RPS6KC1: variants seen among roughly 807,000 people sequenced by gnomAD.
The protein encoded by RPS6KC1 is inactive ribosomal protein S6 kinase delta-1.
RPS6KC1 carries 54 observed loss-of-function variants against 103.8 expected under a neutral mutation model. That is an observed-to-expected ratio of 0.52 (90% CI 0.42 to 0.65). The LOEUF (loss-of-function observed/expected upper bound fraction) is 0.65. Ranked by LOEUF, RPS6KC1 falls within the 30% of genes least tolerant of loss-of-function variation. RPS6KC1 has a pLI of 0.00. For missense variants in RPS6KC1, 1,151 were observed against 1,253.8 expected (o/e 0.92, Z 1.24); for synonymous variants, 439 against 438.7 (o/e 1.00, Z -0.01).
intron 10 of RPS6KC1, 87 bp from the exon 11 acceptor site, chr1:213,240,615 A>AG: frequency 1.9e-6 from 2 of 1,067,696 alleles, no homozygotes; most frequent in Non-Finnish European, 2.7e-6. Flanking sequence ...TTGATTTTTA[A>AG]GATAGTTTTT....
chr1:213,233,380 A>T (rs1157208217), intron 10 of RPS6KC1, among the ~76,000 whole-genome samples: 1 of 152,222 alleles, frequency 6.6e-6, no homozygotes, highest in Non-Finnish European at 1.5e-5. Flanking sequence ...ACATTATTGA[A>T]TTAGAGGTCA....
At chr1:213,778,193 TGC>T in the RPS6KC1 span, among the ~76,000 whole-genome samples, 1 of 152,334 alleles carries the variant, frequency 6.6e-6, no homozygotes, top group East Asian at 1.9e-4. Context: ...TCAAGAGGAT[TGC>T]CTCAATAAAT....
the RPS6KC1 span, among the ~76,000 whole-genome samples, chr1:213,488,800 G>A: frequency 6.6e-6 from 1 of 152,226 alleles, no homozygotes; most frequent in African/African-American, 2.4e-5. Context: ...AAATGGTTGA[G>A]TTTGGCTGTG....
intron 1 of RPS6KC1, among the ~76,000 whole-genome samples, chr1:213,065,083 T>C (rs2078204972): frequency 6.6e-6 from 1 of 151,088 alleles, no homozygotes; most frequent in Non-Finnish European, 1.5e-5. Context: ...TTCAAGTGAT[T>C]CTCCTGCCTC....
chr1:213,813,281 A>G, the RPS6KC1 span, among the ~76,000 whole-genome samples: 1 of 151,952 alleles, frequency 6.6e-6, no homozygotes, highest in Non-Finnish European at 1.5e-5. Context: ...GTGCAATGGC[A>G]TGATCTCAGC....
chr1:213,426,131 G>A, the RPS6KC1 span, among the ~76,000 whole-genome samples: 2 of 152,200 alleles, frequency 1.3e-5, no homozygotes, highest in Admixed American at 1.3e-4. Context: ...GAGGACATCA[G>A]TGGTGGCCTC....
chr1:213,535,348 T>C, the RPS6KC1 span, among the ~76,000 whole-genome samples: 5 of 152,208 alleles, frequency 3.3e-5, no homozygotes, highest in Non-Finnish European at 5.9e-5. Flanking sequence ...TTGAGTTTCC[T>C]AGTGGCCAGA....
At chr1:213,821,192 T>A in the RPS6KC1 span, 1 of 152,542 alleles carries the variant, frequency 6.6e-6, no homozygotes, top group Non-Finnish European at 1.5e-5. Flanking sequence ...CTCTGTCACC[T>A]GCTCCCTGTG....
the RPS6KC1 span, among the ~76,000 whole-genome samples, chr1:213,671,916 A>G: frequency 6.6e-6 from 1 of 152,082 alleles, no homozygotes; most frequent in Non-Finnish European, 1.5e-5. Context: ...TGCCCCATAA[A>G]TATATATGAT....
intron 8 of RPS6KC1, among the ~76,000 whole-genome samples, chr1:213,200,054 A>C (rs548015047): frequency 1.3e-5 from 2 of 152,368 alleles, no homozygotes; most frequent in African/African-American, 2.4e-5. Flanking sequence ...TAAAATGGCC[A>C]TACTGCCCAA....
chr1:213,845,361 C>G, the RPS6KC1 span, among the ~76,000 whole-genome samples: 1 of 152,238 alleles, frequency 6.6e-6, no homozygotes. Context: ...TTGGGGAATG[C>G]TTTCCTCCCT....
At chr1:213,211,623 T>G (rs376760922) in intron 8 of RPS6KC1, among the ~76,000 whole-genome samples, 1 of 152,216 alleles carries the variant, frequency 6.6e-6, no homozygotes, top group African/African-American at 2.4e-5. Flanking sequence ...AAAGTAAAAT[T>G]CTTTTTACAT....
At chr1:213,400,843 A>C in the RPS6KC1 span, among the ~76,000 whole-genome samples, 217 of 151,512 alleles carry the variant, frequency 1.4e-3, no homozygotes, top group Non-Finnish European at 2.6e-3. Context: ...AGTAGCTGGG[A>C]TTATAGGCAC....
intron 14 of RPS6KC1, among the ~76,000 whole-genome samples, chr1:213,272,093 A>G (rs546052091): frequency 5.2e-4 from 79 of 152,346 alleles, no homozygotes; most frequent in East Asian, 3.3e-3. Context: ...TTTAGTCTCA[A>G]TACATACATA....
At chr1:213,271,080 A>G (rs77338771) in intron 14 of RPS6KC1, among the ~76,000 whole-genome samples, 96 of 152,328 alleles carry the variant, frequency 6.3e-4, no homozygotes, top group African/African-American at 2.2e-3. Context: ...GCTTCTAGCA[A>G]TGTAATCAAG....
At chr1:213,854,554 T>TTCTTTCTTTCTTTCTTTC in the RPS6KC1 span, among the ~76,000 whole-genome samples, 11 of 108,414 alleles carry the variant, frequency 1.0e-4, no homozygotes, top group South Asian at 2.9e-4. Flanking sequence ...CTTTCTTTCT[T>TTCTTTCTTTCTTTCTTTC]TCTTTCTTTC....
At chr1:213,470,498 T>G in the RPS6KC1 span, among the ~76,000 whole-genome samples, 174 of 152,278 alleles carry the variant, frequency 1.1e-3, no homozygotes, top group African/African-American at 4.1e-3. Flanking sequence ...ATGATGTCAG[T>G]AACTATTAAA....
At chr1:213,471,025 G>C in the RPS6KC1 span, among the ~76,000 whole-genome samples, 3 of 152,096 alleles carry the variant, frequency 2.0e-5, no homozygotes, top group Non-Finnish European at 2.9e-5. Context: ...AACAGTTTTC[G>C]GAATGAGTTG....
the RPS6KC1 span, among the ~76,000 whole-genome samples, chr1:213,491,400 T>G: frequency 6.6e-6 from 1 of 152,008 alleles, no homozygotes; most frequent in South Asian, 2.1e-4. Context: ...ATCCAAAAAT[T>G]AATCGGGCGT....
Sources: allele counts gnomAD v4.1 joint callset (sites outside exome capture counted in the v4.1 genomes callset), GRCh38; gene constraint gnomAD v4.1.1; transcripts MANE v1.5; gene names NCBI Gene and HGNC (gene_info 2026-07-23, HGNC 2026-07-21).